CAMK4: variants seen among roughly 807,000 people sequenced by gnomAD.
The protein encoded by CAMK4 is calcium/calmodulin-dependent protein kinase type IV.
Under a neutral mutation model 44.9 loss-of-function variants are expected in CAMK4, and 22 were observed. The ratio of observed to expected loss-of-function variants is 0.49; its 90% confidence interval spans 0.35 to 0.70. The LOEUF is 0.70. Ranked by LOEUF, CAMK4 falls within the 30% of genes least tolerant of loss-of-function variation. The pLI is 0.01. For missense variants in CAMK4, 498 were observed against 586.8 expected (o/e 0.85, Z 1.56); for synonymous variants, 218 against 215.4 (o/e 1.01, Z -0.11).
At chr5:111,431,170 C>T (rs1389279191) in intron 5 of CAMK4, among the ~76,000 whole-genome samples, 2 of 152,094 alleles carry the variant, frequency 1.3e-5, no homozygotes, top group Non-Finnish European at 1.5e-5. Flanking sequence ...GACACATAGA[C>T]AGGTGGAACA....
rs566149535 is a variant in CAMK4 at position 111,435,201 on chromosome 5, C to T, written c.460-11485C>T. On this transcript the variant is annotated intron_variant, in intron 5 of 10. Coordinates refer to ENST00000282356, the MANE Select transcript of CAMK4 (RefSeq NM_001744.6). ...GGAGCTTTTATATTTTTTAATTCCTCATTCTACTTTAATGCATATTTGCTT... is the reference window on the plus strand; with the variant it reads ...GGAGCTTTTATATTTTTTAATTCCTTATTCTACTTTAATGCATATTTGCTT... Among the ~76,000 whole-genome samples, 210 of 152,206 alleles carry T rather than the reference C, an allele frequency of 1.4e-3. 1 individual carries two copies. Among genetic ancestry groups the T allele is most frequent in the African/African-American group, 5.0e-3 (207 of 41,532 alleles).
intron 1 of CAMK4, among the ~76,000 whole-genome samples, chr5:111,250,652 C>G (rs761358264): frequency 6.6e-6 from 1 of 152,028 alleles, no homozygotes; most frequent in African/African-American, 2.4e-5. Flanking sequence ...TTTGTCTTTT[C>G]TATTCTTACC....
intron 1 of CAMK4, among the ~76,000 whole-genome samples, chr5:111,271,561 G>A (rs1165255957): frequency 6.6e-6 from 1 of 152,200 alleles, no homozygotes; most frequent in African/African-American, 2.4e-5. Context: ...GAGGAGATGG[G>A]AGCAAGGAGC....
chr5:111,483,990 A>C (rs367982949), intron 10 of CAMK4, 36 bp from the exon 11 acceptor site: 17 of 1,476,312 alleles, frequency 1.2e-5, no homozygotes, highest in Non-Finnish European at 1.5e-5. Flanking sequence ...GTGTTAAAGC[A>C]GAGGTAACAC....
rs1383708430 is a variant in CAMK4 at position 111,273,708 on chromosome 5, TATATATATATAC to T, written c.161+49066_161+49077del. Among the ~76,000 whole-genome samples, 31 of 56,404 alleles carry T rather than the reference TATATATATATAC, an allele frequency of 5.5e-4. 2 individuals carry two copies. In the East Asian group the frequency reaches 5.6e-3, roughly 10 times the overall value. 37.0% of individuals were successfully genotyped at this position (56,404 alleles called of 152,430 possible). A position where few individuals can be genotyped will look rare whatever the true frequency, so the allele number is the denominator to read the frequency against. On this transcript the variant is annotated intron_variant, in intron 1 of 10. Coordinates refer to ENST00000282356, the MANE Select transcript of CAMK4 (RefSeq NM_001744.6). ...ATATATATATATATATATATATATATATATATATATACACACACATACATACACACACACACG... is the reference window on the plus strand; with the variant it reads ...ATATATATATATATATATATATATATACACACATACATACACACACACACG...
At chr5:111,371,425 A>T (rs573065504) in intron 2 of CAMK4, among the ~76,000 whole-genome samples, 2 of 152,322 alleles carry the variant, frequency 1.3e-5, no homozygotes, top group East Asian at 3.9e-4. Context: ...TGTAACTTGC[A>T]TTCTTCCATC....
chr5:111,354,578 T>A (rs949776374), intron 2 of CAMK4, among the ~76,000 whole-genome samples: 2 of 149,702 alleles, frequency 1.3e-5, no homozygotes, highest in African/African-American at 4.9e-5. Flanking sequence ...GTTTTACCAC[T>A]ATAAAGCTGA....
At chr5:111,255,016 C>G (rs1027253349) in intron 1 of CAMK4, among the ~76,000 whole-genome samples, 1 of 151,818 alleles carries the variant, frequency 6.6e-6, no homozygotes, top group Non-Finnish European at 1.5e-5. Flanking sequence ...CAACAAAATC[C>G]CAGTACTCCT....
intron 5 of CAMK4, among the ~76,000 whole-genome samples, chr5:111,421,677 G>A (rs531881879): frequency 6.6e-6 from 1 of 152,134 alleles, no homozygotes; most frequent in South Asian, 2.1e-4. Flanking sequence ...GTTTCCAGAA[G>A]GACATATCAG....
intron 1 of CAMK4, among the ~76,000 whole-genome samples, chr5:111,331,032 G>T (rs555242706): frequency 6.6e-6 from 1 of 151,688 alleles, no homozygotes; most frequent in Non-Finnish European, 1.5e-5. Context: ...AGAAAACTAG[G>T]ATAATATCTT....
At chr5:111,428,165 C>CA (rs1753300352) in intron 5 of CAMK4, among the ~76,000 whole-genome samples, 1 of 152,246 alleles carries the variant, frequency 6.6e-6, no homozygotes, top group South Asian at 2.1e-4. Flanking sequence ...GCAAAAACCA[C>CA]AGTGTTACTG....
In CAMK4 at chr5:111,492,937, C is replaced by T. The variant is rs912603042; in HGVS notation, c.*8471C>T. ...GATGAAGGAAAGCTTTATGGAAACA[C>T]AGGCTGTATGTGAAAGATGGGTGAA... is the stretch of plus-strand genomic sequence containing the variant. On this transcript the variant is annotated 3_prime_UTR_variant, in exon 11 of 11. Transcript: ENST00000282356. The T allele has an allele frequency of 6.6e-6, 1 of 152,210 alleles. No homozygotes were observed. The highest frequency in any genetic ancestry group is 2.4e-5 in the African/African-American group (1 of 41,432). 9.4% of individuals were successfully genotyped at this position (152,210 alleles called of 1,614,324 possible).
chr5:111,340,170 C>T (rs984986742), intron 1 of CAMK4, among the ~76,000 whole-genome samples: 1 of 150,864 alleles, frequency 6.6e-6, no homozygotes, highest in Non-Finnish European at 1.5e-5. Flanking sequence ...CTGAAAATAG[C>T]GACAGTTTAA....
Position 111,376,988 on chromosome 5 carries a change from C to A in CAMK4, c.386+46C>A, listed in dbSNP as rs780266988. On this transcript the variant is annotated intron_variant, in intron 4 of 10. Coordinates refer to ENST00000282356, the MANE Select transcript of CAMK4 (RefSeq NM_001744.6). The stretch of plus-strand genomic sequence containing the variant: ...TAACCACAGAAAGGTTTGCTTTTGG[C>A]CACCAAAAAATAATCTAAAGGACAT... 13 of 1,226,508 alleles carry A rather than the reference C, an allele frequency of 1.1e-5. No homozygotes were observed. In the South Asian group the frequency reaches 1.5e-4, roughly 14 times the overall value. 76.0% of individuals were successfully genotyped at this position (1,226,508 alleles called of 1,614,324 possible). A position where few individuals can be genotyped will look rare whatever the true frequency, so the allele number is the denominator to read the frequency against.
chr5:111,314,572 T>G (rs1323898716), intron 1 of CAMK4, among the ~76,000 whole-genome samples: 1 of 152,212 alleles, frequency 6.6e-6, no homozygotes. Flanking sequence ...TTCTAGTATT[T>G]TTAGAACTTT....
chr5:111,439,122 C>G (rs531117680), intron 5 of CAMK4, among the ~76,000 whole-genome samples: 1 of 152,100 alleles, frequency 6.6e-6, no homozygotes, highest in Non-Finnish European at 1.5e-5. Context: ...CCTCGCCCCT[C>G]GAGAGTTTGT....
chr5:111,376,975 G>A (rs1751235458), intron 4 of CAMK4, 33 bp downstream of exon 4: 4 of 1,446,048 alleles, frequency 2.8e-6, no homozygotes, highest in Non-Finnish European at 3.8e-6. Context: ...ACCACAGAAA[G>A]GTTTGCTTTT....
At chr5:111,293,409 C>G (rs917658557) in intron 1 of CAMK4, among the ~76,000 whole-genome samples, 8 of 150,780 alleles carry the variant, frequency 5.3e-5, no homozygotes, top group African/African-American at 1.9e-4. Flanking sequence ...ACTTTATATT[C>G]GATGCTTTTA....
intron 6 of CAMK4, 35 bp from the exon 7 acceptor site, chr5:111,449,094 A>G: frequency 1.2e-6 from 1 of 866,260 alleles, no homozygotes; most frequent in East Asian, 2.4e-5. Flanking sequence ...AGCTGAGAAG[A>G]CGTGCTTCAT....
Sources: allele counts gnomAD v4.1 joint callset (sites outside exome capture counted in the v4.1 genomes callset), GRCh38; gene constraint gnomAD v4.1.1; transcripts MANE v1.5; gene names NCBI Gene and HGNC (gene_info 2026-07-23, HGNC 2026-07-21).